Variants in MACROD2 observed in about 807,000 individuals in gnomAD.
MACROD2 encodes the protein mono-ADP ribosylhydrolase 2, also known as ADP-ribose glycohydrolase MACROD2.
Under a neutral mutation model 70.4 loss-of-function variants are expected in MACROD2, and 36 were observed. That is an observed-to-expected ratio of 0.51 (90% CI 0.39 to 0.68). MACROD2 has a LOEUF of 0.68. MACROD2 is among the 30% of genes least tolerant of loss of function. The pLI, the probability that MACROD2 is intolerant of heterozygous loss-of-function variation, is 0.00. For missense variants in MACROD2, 496 were observed against 538.4 expected (o/e 0.92, Z 0.78); for synonymous variants, 172 against 178.8 (o/e 0.96, Z 0.30).
chr20:15,610,736 G>A (rs2048955606), intron 8 of MACROD2, among the ~76,000 whole-genome samples: 1 of 152,142 alleles, frequency 6.6e-6, no homozygotes. Context: ...TTTACCGTGT[G>A]CTTTGGATTT....
chr20:14,205,245 TA>T (rs1373045980), intron 3 of MACROD2, among the ~76,000 whole-genome samples: 2 of 152,182 alleles, frequency 1.3e-5, no homozygotes, highest in Non-Finnish European at 2.9e-5. Flanking sequence ...GATAATACTC[TA>T]GGTAGTTACT....
chr20:14,212,656 C>T (rs778449921), intron 3 of MACROD2, among the ~76,000 whole-genome samples: 4 of 151,846 alleles, frequency 2.6e-5, no homozygotes, highest in African/African-American at 4.8e-5. Context: ...AACATTGATA[C>T]CGTTCTTGAG....
intron 3 of MACROD2, among the ~76,000 whole-genome samples, chr20:14,157,840 G>A (rs1442249839): frequency 6.6e-6 from 1 of 152,016 alleles, no homozygotes; most frequent in Admixed American, 6.6e-5. Context: ...TGGACACTTA[G>A]GTTGACTCCA....
chr20:15,480,038 T>G (rs1282133460), intron 7 of MACROD2, among the ~76,000 whole-genome samples: 2 of 152,164 alleles, frequency 1.3e-5, no homozygotes, highest in African/African-American at 2.4e-5. Flanking sequence ...AATGGAGATT[T>G]TAGTGTAGAG....
At chr20:14,244,070 T>C (rs559572153) in intron 3 of MACROD2, among the ~76,000 whole-genome samples, 9 of 152,358 alleles carry the variant, frequency 5.9e-5, no homozygotes, top group Admixed American at 5.9e-4. Flanking sequence ...TATTGTTATG[T>C]CTAGGCTTCT....
chr20:14,314,760 C>CTAAA lies in MACROD2; in HGVS notation c.272-178686_272-178683dup, dbSNP rs112460293. Among the ~76,000 whole-genome samples, 1,457 of 148,084 alleles carry CTAAA rather than the reference C, an allele frequency of 9.8e-3. 10 individuals carry two copies. Among genetic ancestry groups the CTAAA allele is most frequent in the Middle Eastern group, 0.017 (5 of 288 alleles). ...GGGCAACAAGAGTGAGACTTCGTCT[C>CTAAA]TAAATAAATAAATAAATAAATAAAT... is the stretch of plus-strand genomic sequence containing the variant. On this transcript the variant is annotated intron_variant, in intron 3 of 17. Transcript: ENST00000684519.
At chr20:14,075,145 A>T (rs1167054828) in intron 2 of MACROD2, among the ~76,000 whole-genome samples, 1 of 152,212 alleles carries the variant, frequency 6.6e-6, no homozygotes, top group Non-Finnish European at 1.5e-5. Flanking sequence ...TCTTTTAAGT[A>T]AAAAGGTGAA....
At chr20:14,243,507 T>C (rs1288398868) in intron 3 of MACROD2, among the ~76,000 whole-genome samples, 1 of 152,196 alleles carries the variant, frequency 6.6e-6, no homozygotes, top group Non-Finnish European at 1.5e-5. Context: ...CATTATTTTC[T>C]CTTCTTTATA....
In MACROD2 at chr20:15,343,469, C is replaced by T. The variant is rs188095776; in HGVS notation, c.541-87936C>T. Reference sequence around the variant, plus strand: ...GGCTTCATTAGAATGCACCATTTATCTAATACTTTGACAGTCAGTGATATC... The same window carrying T: ...GGCTTCATTAGAATGCACCATTTATTTAATACTTTGACAGTCAGTGATATC... On this transcript the variant is annotated intron_variant, in intron 6 of 17. Coordinates refer to ENST00000684519, the MANE Select transcript of MACROD2 (RefSeq NM_001351661.2). 3.9e-4 allele frequency among the ~76,000 whole-genome samples: 60 copies of T among 152,314 alleles called. No homozygotes were observed. The East Asian group carries it at 0.01, about 26-fold the overall frequency.
chr20:15,855,046 G>A (rs2064341609), intron 8 of MACROD2, among the ~76,000 whole-genome samples: 1 of 152,152 alleles, frequency 6.6e-6, no homozygotes, highest in South Asian at 2.1e-4. Context: ...AGTTAAAGCA[G>A]CATTTGCATC....
chr20:15,267,966 G>A (rs889842441), intron 6 of MACROD2, among the ~76,000 whole-genome samples: 2 of 152,174 alleles, frequency 1.3e-5, no homozygotes, highest in Admixed American at 1.3e-4. Flanking sequence ...TCACCCTTCT[G>A]TGTGTCCACG....
chr20:14,486,067 G>A (rs1728972638), intron 3 of MACROD2, among the ~76,000 whole-genome samples: 1 of 152,108 alleles, frequency 6.6e-6, no homozygotes, highest in East Asian at 1.9e-4. Flanking sequence ...AACAGATGAT[G>A]CAGTCAAATT....
At chr20:15,023,682 T>G (rs2075207596) in intron 5 of MACROD2, among the ~76,000 whole-genome samples, 1 of 152,024 alleles carries the variant, frequency 6.6e-6, no homozygotes, top group Non-Finnish European at 1.5e-5. Flanking sequence ...AACCATCAGA[T>G]CTCGTGAAAC....
At chr20:15,194,661 T>C (rs2076593702) in intron 5 of MACROD2, among the ~76,000 whole-genome samples, 1 of 152,288 alleles carries the variant, frequency 6.6e-6, no homozygotes, top group African/African-American at 2.4e-5. Flanking sequence ...GAATATTTCT[T>C]AAAAACAATT....
At chr20:15,803,917 TCC>T in intron 8 of MACROD2, among the ~76,000 whole-genome samples, 1 of 152,230 alleles carries the variant, frequency 6.6e-6, no homozygotes, top group African/African-American at 2.4e-5. Context: ...CTAAAATGCT[TCC>T]CAATGTTTCT....
chr20:14,907,937 T>A (rs916051525), intron 5 of MACROD2, among the ~76,000 whole-genome samples: 7 of 152,208 alleles, frequency 4.6e-5, no homozygotes, highest in African/African-American at 1.4e-4. Flanking sequence ...GATGCACACA[T>A]AATTACTTTT....
intron 8 of MACROD2, among the ~76,000 whole-genome samples, chr20:15,588,152 G>A (rs1190244784): frequency 6.6e-6 from 1 of 152,170 alleles, no homozygotes; most frequent in Non-Finnish European, 1.5e-5. Flanking sequence ...TGCACCCGCA[G>A]GCTTAATACC....
chr20:15,218,306 C>T (rs2076828490), intron 5 of MACROD2, among the ~76,000 whole-genome samples: 1 of 152,174 alleles, frequency 6.6e-6, no homozygotes, highest in Non-Finnish European at 1.5e-5. Flanking sequence ...TTTCTCTTTT[C>T]CCATCCACTC....
intron 15 of MACROD2, among the ~76,000 whole-genome samples, chr20:15,992,170 C>T (rs1438039639): frequency 1.1e-4 from 16 of 152,082 alleles, no homozygotes; most frequent in Admixed American, 6.6e-5. Context: ...TTAGATTATA[C>T]GTGTATAAAG....
Sources: gnomAD v4.1 joint callset for allele counts (sites outside exome capture counted in the v4.1 genomes callset) on GRCh38, gnomAD v4.1.1 for gene constraint, MANE v1.5 for transcripts, NCBI Gene and HGNC (gene_info 2026-07-23, HGNC 2026-07-21) for gene names.